The following BBS9 variants were observed in gnomAD, a reference collection of about 807,000 sequenced individuals.
The protein encoded by BBS9 is Bardet-Biedl syndrome 9.
Under a neutral mutation model 117.7 loss-of-function variants are expected in BBS9, and 89 were observed. That is an observed-to-expected ratio of 0.76 (90% CI 0.64 to 0.90). The LOEUF is 0.90. BBS9 is among the 40% of genes least tolerant of loss of function. The pLI is 0.00. For synonymous variants in BBS9, 379 were observed against 370.9 expected (o/e 1.02, Z -0.25); for missense variants, 982 against 1,042.2 (o/e 0.94, Z 0.80).
At chr7:33,576,312 A>G (rs571180034) in intron 21 of BBS9, among the ~76,000 whole-genome samples, 84 of 152,222 alleles carry the variant, frequency 5.5e-4, no homozygotes, top group Middle Eastern at 6.8e-3. Flanking sequence ...CACAATTGCT[A>G]TAAAGAGAAT....
At chr7:33,561,649 A>T (rs1214652697) in intron 21 of BBS9, among the ~76,000 whole-genome samples, 1 of 152,222 alleles carries the variant, frequency 6.6e-6, no homozygotes, top group African/African-American at 2.4e-5. Flanking sequence ...TAGAGAGGAG[A>T]TCATTAAAAG....
chr7:33,504,625 G>A (rs1338289136), intron 19 of BBS9, among the ~76,000 whole-genome samples: 1 of 152,080 alleles, frequency 6.6e-6, no homozygotes, highest in Non-Finnish European at 1.5e-5. Context: ...GACGCCTTGA[G>A]CCTCTGCGGC....
chr7:33,389,491 C>T (rs1467389443), intron 19 of BBS9, among the ~76,000 whole-genome samples: 1 of 151,856 alleles, frequency 6.6e-6, no homozygotes, highest in Non-Finnish European at 1.5e-5. Flanking sequence ...AGATCAAGAC[C>T]ATCCTGGTTA....
At chr7:33,569,369 T>A (rs1381243650) in intron 21 of BBS9, among the ~76,000 whole-genome samples, 1 of 150,032 alleles carries the variant, frequency 6.7e-6, no homozygotes, top group Non-Finnish European at 1.5e-5. Context: ...AATCAGAGGT[T>A]GTAGTATGAA....
intron 9 of BBS9, among the ~76,000 whole-genome samples, chr7:33,275,430 C>T (rs1800592886): frequency 6.6e-6 from 1 of 152,184 alleles, no homozygotes; most frequent in Non-Finnish European, 1.5e-5. Flanking sequence ...ACAGGAAAAA[C>T]ATCTTGCCAG....
intron 21 of BBS9, among the ~76,000 whole-genome samples, chr7:33,582,151 A>G (rs1860062861): frequency 6.6e-6 from 1 of 151,964 alleles, no homozygotes; most frequent in South Asian, 2.1e-4. Flanking sequence ...TAAGTCCTTG[A>G]GTTATCTCAG....
intron 5 of BBS9, among the ~76,000 whole-genome samples, chr7:33,201,302 G>A (rs1785810984): frequency 1.3e-5 from 2 of 152,056 alleles, no homozygotes; most frequent in South Asian, 4.1e-4. Flanking sequence ...TTCAGAATAT[G>A]TGCTTTCTGT....
chr7:33,622,459 C>T lies in BBS9; in HGVS notation c.2522-12718C>T, dbSNP rs78354559. ...AGTGAGTAGATCCTAAATACTCTCA[C>T]CACACAAAAAATGAAAAGTATGTGA... On this transcript the variant is annotated intron_variant, in intron 21 of 21. Transcript: ENST00000671952. Among the ~76,000 whole-genome samples the T allele has an allele frequency of 6.9e-3, 1,049 of 152,058 alleles. 7 individuals carry two copies. The highest frequency in any genetic ancestry group is 0.011 in the Non-Finnish European group (752 of 67,990).
chr7:33,516,724 T>C (rs544628720), intron 20 of BBS9, among the ~76,000 whole-genome samples: 10 of 152,284 alleles, frequency 6.6e-5, no homozygotes, highest in Admixed American at 6.5e-4. Context: ...TGTTGCTTTT[T>C]GAAGAGAAAG....
At chr7:33,225,724 A>G (rs1418882656) in intron 5 of BBS9, among the ~76,000 whole-genome samples, 1 of 148,946 alleles carries the variant, frequency 6.7e-6, no homozygotes, top group South Asian at 2.1e-4. Context: ...TTTGTGGGAA[A>G]TGGCATTTGA....
intron 9 of BBS9, among the ~76,000 whole-genome samples, chr7:33,296,168 A>G (rs895944029): frequency 1.3e-5 from 2 of 152,122 alleles, no homozygotes; most frequent in Non-Finnish European, 2.9e-5. Context: ...CCCAAAATAG[A>G]TTACTTAAAC....
At chr7:33,265,551 A>G (rs545216531) in intron 7 of BBS9, among the ~76,000 whole-genome samples, 3 of 152,278 alleles carry the variant, frequency 2.0e-5, no homozygotes, top group Non-Finnish European at 2.9e-5. Context: ...CTATTTTAAA[A>G]TGTTGTTATT....
chr7:33,383,898 T>C, intron 18 of BBS9, 60 bp downstream of exon 18: 1 of 1,541,700 alleles, frequency 6.5e-7, no homozygotes, highest in South Asian at 1.1e-5. Context: ...GAGAAATAGA[T>C]GCTATAGAAG....
intron 9 of BBS9, among the ~76,000 whole-genome samples, chr7:33,279,106 T>C (rs1337705718): frequency 1.3e-5 from 2 of 152,212 alleles, no homozygotes; most frequent in East Asian, 3.9e-4. Context: ...GGCATGATCA[T>C]AGCTTACTTC....
intron 5 of BBS9, among the ~76,000 whole-genome samples, chr7:33,214,840 A>G (rs1300903974): frequency 1.3e-5 from 2 of 152,230 alleles, no homozygotes; most frequent in African/African-American, 4.8e-5. Flanking sequence ...GGAGATAGAA[A>G]AAACAAAATT....
intron 17 of BBS9, among the ~76,000 whole-genome samples, chr7:33,383,167 A>C (rs965710005): frequency 2.6e-5 from 4 of 152,172 alleles, no homozygotes; most frequent in African/African-American, 7.2e-5. Context: ...TGACTGCAAA[A>C]TCTCTCTTCA....
At chr7:33,211,265 T>C (rs1413902562) in intron 5 of BBS9, among the ~76,000 whole-genome samples, 1 of 152,200 alleles carries the variant, frequency 6.6e-6, no homozygotes, top group Non-Finnish European at 1.5e-5. Flanking sequence ...TTCCTTTTAA[T>C]GAAGGTGACT....
At chr7:33,555,216 A>G (rs1183073912) in intron 21 of BBS9, among the ~76,000 whole-genome samples, 1 of 152,244 alleles carries the variant, frequency 6.6e-6, no homozygotes, top group African/African-American at 2.4e-5. Flanking sequence ...ATTCCTAATT[A>G]GAATGAATAA....
chr7:33,210,693 A>G (rs1335265327), intron 5 of BBS9, among the ~76,000 whole-genome samples: 1 of 152,002 alleles, frequency 6.6e-6, no homozygotes, highest in Non-Finnish European at 1.5e-5. Context: ...GTGCGCCACC[A>G]TGCCTGGCTT....
Sources: gnomAD v4.1 joint callset for allele counts (sites outside exome capture counted in the v4.1 genomes callset) on GRCh38, gnomAD v4.1.1 for gene constraint, MANE v1.5 for transcripts, NCBI Gene and HGNC (gene_info 2026-07-23, HGNC 2026-07-21) for gene names.